Variants in NEGR1 observed in about 807,000 individuals in gnomAD.
The protein encoded by NEGR1 is IgLON family member 4.
Under a neutral mutation model 40.9 loss-of-function variants are expected in NEGR1, and 10 were observed. The observed-to-expected ratio is 0.24, with a 90% CI of 0.15 to 0.42. The LOEUF is 0.42. NEGR1 is among the 10% of genes least tolerant of loss of function. The probability of loss-of-function intolerance (pLI) is 1.00; values close to 1 mark genes in which losing one functional copy is unlikely to be tolerated. For synonymous variants in NEGR1, 185 were observed against 166.8 expected (o/e 1.11, Z -0.84); for missense variants, 352 against 438.9 (o/e 0.80, Z 1.77).
intron 1 of NEGR1, among the ~76,000 whole-genome samples, chr1:72,089,597 G>T (rs897653603): frequency 6.6e-5 from 10 of 152,090 alleles, no homozygotes; most frequent in African/African-American, 2.4e-4. Context: ...TAGGAAATAT[G>T]TTTGATTTCT....
intron 1 of NEGR1, among the ~76,000 whole-genome samples, chr1:72,203,555 C>T (rs1453970850): frequency 3.3e-5 from 5 of 152,014 alleles, no homozygotes; most frequent in Non-Finnish European, 7.4e-5. Context: ...AACATTATTG[C>T]AATTACAATA....
At chr1:71,471,782 A>T (rs1432150328) in intron 6 of NEGR1, among the ~76,000 whole-genome samples, 2 of 152,132 alleles carry the variant, frequency 1.3e-5, no homozygotes, top group Non-Finnish European at 2.9e-5. Context: ...CAGAAAAGCC[A>T]CAGACTCAGC....
At chr1:71,801,668 C>T (rs945408172) in intron 2 of NEGR1, among the ~76,000 whole-genome samples, 18 of 152,120 alleles carry the variant, frequency 1.2e-4, no homozygotes, top group Admixed American at 1.2e-3. Flanking sequence ...ACTTTAGAGC[C>T]TCCTAACTTC....
At chr1:72,183,716 T>C (rs1367614879) in intron 1 of NEGR1, among the ~76,000 whole-genome samples, 1 of 152,106 alleles carries the variant, frequency 6.6e-6, no homozygotes, top group Non-Finnish European at 1.5e-5. Flanking sequence ...GTATTGGTAA[T>C]TGTTGTTTGT....
intron 1 of NEGR1, among the ~76,000 whole-genome samples, chr1:72,279,461 G>A (rs1367453854): frequency 1.3e-5 from 2 of 149,578 alleles, no homozygotes; most frequent in Non-Finnish European, 3.0e-5. Context: ...ACACTGTGAG[G>A]AATATGTTAC....
intron 1 of NEGR1, among the ~76,000 whole-genome samples, chr1:72,141,292 T>C (rs939152273): frequency 6.6e-6 from 1 of 152,000 alleles, no homozygotes; most frequent in African/African-American, 2.4e-5. Context: ...AGGCAAAATG[T>C]ATGCATATGT....
intron 2 of NEGR1, among the ~76,000 whole-genome samples, chr1:71,874,152 A>T (rs1318893394): frequency 6.6e-6 from 1 of 152,130 alleles, no homozygotes; most frequent in Non-Finnish European, 1.5e-5. Flanking sequence ...ATGTGAAATG[A>T]TTTACACCTA....
chr1:72,220,642 A>AC (rs199690570), intron 1 of NEGR1, among the ~76,000 whole-genome samples: 19,458 of 151,950 alleles, frequency 0.13, 1,624 homozygotes, highest in Non-Finnish European at 0.19. Flanking sequence ...TATAATTTCA[A>AC]ATTTTTCAAC....
rs1423357844 is a variant in NEGR1 at position 71,485,516 on chromosome 1, A to G, written c.941-77946T>C. Among the ~76,000 whole-genome samples, 6 of 151,700 alleles carry G rather than the reference A, an allele frequency of 4.0e-5. No homozygotes were observed. The East Asian group carries it at 1.2e-3, about 30-fold the overall frequency. On this transcript the variant is annotated intron_variant, in intron 6 of 6. Coordinates refer to ENST00000357731, the MANE Select transcript of NEGR1 (RefSeq NM_173808.3). ...ACTATCTGGGTTTGGACAAGTGCTT[A>G]ATGATAAGTTTCTAGCATTATAGTC...
intron 4 of NEGR1, among the ~76,000 whole-genome samples, chr1:71,619,173 A>G (rs1474120951): frequency 6.6e-6 from 1 of 152,168 alleles, no homozygotes; most frequent in African/African-American, 2.4e-5. Flanking sequence ...AAAAAATTAT[A>G]AATATATTTG....
intron 5 of NEGR1, among the ~76,000 whole-genome samples, chr1:71,598,310 T>C (rs1649796410): frequency 6.6e-6 from 1 of 152,146 alleles, no homozygotes; most frequent in Non-Finnish European, 1.5e-5. Context: ...GGGAGCTAAA[T>C]AGCCAAGTGG....
chr1:71,844,827 C>T (rs1659351732), intron 2 of NEGR1, among the ~76,000 whole-genome samples: 1 of 152,116 alleles, frequency 6.6e-6, no homozygotes, highest in South Asian at 2.1e-4. Context: ...TGGCCTTGGC[C>T]CAACCCCAGG....
intron 6 of NEGR1, chr1:71,573,612 C>T (rs1467995603): frequency 6.6e-6 from 1 of 152,162 alleles, no homozygotes; most frequent in African/African-American, 2.4e-5. Context: ...ACAGAATGAG[C>T]TGATCATGCC....
chr1:72,133,301 T>C (rs1650326846), intron 1 of NEGR1, among the ~76,000 whole-genome samples: 1 of 152,114 alleles, frequency 6.6e-6, no homozygotes, highest in Non-Finnish European at 1.5e-5. Context: ...ATTGCTAAAT[T>C]TACTTTGTAC....
intron 1 of NEGR1, among the ~76,000 whole-genome samples, chr1:72,044,330 T>TAAA (rs534733009): frequency 3.8e-5 from 5 of 131,606 alleles, no homozygotes; most frequent in Non-Finnish European, 4.9e-5. Flanking sequence ...AGGTCTAAGT[T>TAAA]AAAAAAAAAA....
intron 1 of NEGR1, among the ~76,000 whole-genome samples, chr1:72,142,489 C>T (rs946894490): frequency 2.6e-5 from 4 of 151,106 alleles, no homozygotes; most frequent in African/African-American, 9.7e-5. Context: ...CAAGATAAGC[C>T]AATTACTAGC....
At chr1:72,194,460 C>A (rs115161247) in intron 1 of NEGR1, among the ~76,000 whole-genome samples, 1,638 of 152,058 alleles carry the variant, frequency 0.011, 12 homozygotes, top group Middle Eastern at 0.017. Context: ...AGCAAACATG[C>A]TCAGGAAAGT....
chr1:71,884,142 C>T (rs1020237798), intron 2 of NEGR1, among the ~76,000 whole-genome samples: 1 of 152,060 alleles, frequency 6.6e-6, no homozygotes, highest in Admixed American at 6.6e-5. Context: ...CAGCTCATTC[C>T]CTCCTTACTC....
chr1:72,055,261 A>G (rs1218967965), intron 1 of NEGR1, among the ~76,000 whole-genome samples: 1 of 151,246 alleles, frequency 6.6e-6, no homozygotes, highest in South Asian at 2.1e-4. Flanking sequence ...CTAAGTTTAC[A>G]TCATCTTTGT....
Sources: gnomAD v4.1 joint callset for allele counts (sites outside exome capture counted in the v4.1 genomes callset) on GRCh38, gnomAD v4.1.1 for gene constraint, MANE v1.5 for transcripts, NCBI Gene and HGNC (gene_info 2026-07-23, HGNC 2026-07-21) for gene names.